The following ENTREP2 variants were observed in gnomAD, a reference collection of about 807,000 sequenced individuals.
ENTREP2 encodes the protein protein ENTREP2.
chr15:29,455,153 G>C, the ENTREP2 span, among the ~76,000 whole-genome samples: 3 of 152,034 alleles, frequency 2.0e-5, no homozygotes, highest in Non-Finnish European at 4.4e-5. Flanking sequence ...CAGCCTGCTG[G>C]GGGATGAGAC....
chr15:29,612,103 C>T, the ENTREP2 span, among the ~76,000 whole-genome samples: 212 of 152,320 alleles, frequency 1.4e-3, no homozygotes, highest in African/African-American at 4.9e-3. Context: ...TTTCCTCCTT[C>T]GGAGTCAGTA....
the ENTREP2 span, among the ~76,000 whole-genome samples, chr15:29,215,046 C>T: frequency 1.3e-5 from 2 of 152,070 alleles, no homozygotes; most frequent in African/African-American, 4.8e-5. Context: ...TACTGAAGTC[C>T]CTCACGATTA....
the ENTREP2 span, among the ~76,000 whole-genome samples, chr15:29,599,969 A>C: frequency 6.6e-6 from 1 of 152,204 alleles, no homozygotes; most frequent in African/African-American, 2.4e-5. Flanking sequence ...AACCACAAAT[A>C]AACTGTAAAG....
At chr15:29,284,652 G>A in the ENTREP2 span, among the ~76,000 whole-genome samples, 2 of 151,884 alleles carry the variant, frequency 1.3e-5, no homozygotes, top group African/African-American at 4.8e-5. Context: ...CTAACATTTA[G>A]TGGCTAGGGA....
the ENTREP2 span, among the ~76,000 whole-genome samples, chr15:29,337,892 A>C: frequency 2.6e-5 from 4 of 152,128 alleles, no homozygotes; most frequent in Admixed American, 2.0e-4. Flanking sequence ...CCAAAGCCTG[A>C]GCTCTCTATG....
the ENTREP2 span, among the ~76,000 whole-genome samples, chr15:29,205,670 T>C: frequency 6.6e-6 from 1 of 152,174 alleles, no homozygotes; most frequent in African/African-American, 2.4e-5. Flanking sequence ...ATTGGGTTGT[T>C]TGTGTTCTTG....
the ENTREP2 span, among the ~76,000 whole-genome samples, chr15:29,651,845 C>T: frequency 6.6e-6 from 1 of 152,212 alleles, no homozygotes; most frequent in Non-Finnish European, 1.5e-5. Context: ...GCAGGTGCCC[C>T]TTAGTTCAAG....
the ENTREP2 span, among the ~76,000 whole-genome samples, chr15:29,314,823 G>A: frequency 3.9e-5 from 6 of 152,230 alleles, no homozygotes; most frequent in East Asian, 1.9e-4. Context: ...AGGCCGAGGC[G>A]GGTGGATCGC....
the ENTREP2 span, among the ~76,000 whole-genome samples, chr15:29,621,495 C>T: frequency 7.8e-6 from 1 of 127,402 alleles, no homozygotes. Context: ...TGCACTCCAG[C>T]CTGGGTGACA....
At chr15:29,657,483 C>CGGGGGGGGGGGGGG in the ENTREP2 span, among the ~76,000 whole-genome samples, 10 of 69,428 alleles carry the variant, frequency 1.4e-4, no homozygotes, top group Non-Finnish European at 2.0e-4. Context: ...GCTGGGGGGG[C>CGGGGGGGGGGGGGG]GGGGGGGGGG....
the ENTREP2 span, among the ~76,000 whole-genome samples, chr15:29,186,537 T>C: frequency 1.0e-3 from 153 of 152,282 alleles, no homozygotes; most frequent in African/African-American, 3.6e-3. Context: ...GCACAGCACA[T>C]TGCATTAGAC....
the ENTREP2 span, among the ~76,000 whole-genome samples, chr15:29,503,368 G>A: frequency 0.048 from 7,273 of 152,196 alleles, 546 homozygotes; most frequent in African/African-American, 0.16. Flanking sequence ...TTCCAGTTAT[G>A]TGAAATGTCC....
At chr15:29,501,483 C>T in the ENTREP2 span, among the ~76,000 whole-genome samples, 1 of 151,942 alleles carries the variant, frequency 6.6e-6, no homozygotes, top group African/African-American at 2.4e-5. Context: ...GATAAAAATT[C>T]TCAACAAATT....
the ENTREP2 span, among the ~76,000 whole-genome samples, chr15:29,640,483 C>A: frequency 6.6e-6 from 1 of 151,924 alleles, no homozygotes; most frequent in African/African-American, 2.4e-5. Context: ...CATGGTGAAA[C>A]CCCATCTCTA....
the ENTREP2 span, among the ~76,000 whole-genome samples, chr15:29,334,330 G>A: frequency 3.9e-5 from 6 of 152,122 alleles, no homozygotes; most frequent in Non-Finnish European, 8.8e-5. Flanking sequence ...CGGAGACTAC[G>A]CGACTCTTAC....
the ENTREP2 span, among the ~76,000 whole-genome samples, chr15:29,348,086 T>A: frequency 6.6e-6 from 1 of 152,316 alleles, no homozygotes; most frequent in Non-Finnish European, 1.5e-5. Context: ...CTATAAGGAA[T>A]ACATGTCCAA....
the ENTREP2 span, among the ~76,000 whole-genome samples, chr15:29,421,230 T>C: frequency 6.6e-6 from 1 of 152,156 alleles, no homozygotes; most frequent in Non-Finnish European, 1.5e-5. Context: ...AAGAGTAAGT[T>C]AGTGAAAGTG....
chr15:29,478,017 A>ATTTTTTTTTT, the ENTREP2 span, among the ~76,000 whole-genome samples: 2 of 56,964 alleles, frequency 3.5e-5, no homozygotes, highest in Non-Finnish European at 5.9e-5. Flanking sequence ...ATATATATAT[A>ATTTTTTTTTT]TATTTTTTTT....
chr15:29,265,447 T>A, the ENTREP2 span: 1 of 152,248 alleles, frequency 6.6e-6, no homozygotes, highest in African/African-American at 2.4e-5. Flanking sequence ...GAGACCACCC[T>A]GGCCAACATG....
Sources: allele counts gnomAD v4.1 joint callset (sites outside exome capture counted in the v4.1 genomes callset), GRCh38; gene constraint gnomAD v4.1.1; transcripts MANE v1.5; gene names NCBI Gene and HGNC (gene_info 2026-07-23, HGNC 2026-07-21).